The following COQ10B variants were observed in gnomAD, a reference collection of about 807,000 sequenced individuals.
COQ10B encodes coenzyme Q10B, also known as coenzyme Q-binding protein COQ10 homolog B, mitochondrial.
A neutral mutation model predicts 27.6 loss-of-function variants in COQ10B; 12 were observed. The ratio of observed to expected loss-of-function variants is 0.43; its 90% CI spans 0.28 to 0.70. The LOEUF (loss-of-function observed/expected upper bound fraction) is 0.70. Ranked by LOEUF, COQ10B falls within the 30% of genes least tolerant of loss-of-function variation. COQ10B has a pLI of 0.17. For synonymous variants in COQ10B, 115 were observed against 103.0 expected, an observed-to-expected ratio of 1.12 and a Z score of -0.71; for missense variants, 278 against 288.7, an observed-to-expected ratio of 0.96 and a Z score of 0.27.
intron 3 of COQ10B, among the ~76,000 whole-genome samples, chr2:197,468,611 A>T (rs1040074382): frequency 6.6e-6 from 1 of 152,204 alleles, no homozygotes; most frequent in Non-Finnish European, 1.5e-5. Context: ...ACAAGATTTT[A>T]TTATAGACTC....
At chr2:197,460,690 G>A (rs1203293172) in intron 2 of COQ10B, among the ~76,000 whole-genome samples, 11 of 152,164 alleles carry the variant, frequency 7.2e-5, no homozygotes. Flanking sequence ...GATATACATA[G>A]ATAAGTACAT....
intron 2 of COQ10B, among the ~76,000 whole-genome samples, chr2:197,462,156 C>T (rs2085767581): frequency 6.6e-6 from 1 of 151,480 alleles, no homozygotes; most frequent in Non-Finnish European, 1.5e-5. Context: ...GGAGTCCCAG[C>T]TACTCGGGAG....
intron 3 of COQ10B, among the ~76,000 whole-genome samples, chr2:197,463,522 G>C (rs2085783941): frequency 6.6e-6 from 1 of 150,604 alleles, no homozygotes; most frequent in South Asian, 2.1e-4. Flanking sequence ...AGGCAGCTGA[G>C]ATGGGAACCC....
intron 3 of COQ10B, among the ~76,000 whole-genome samples, chr2:197,463,599 C>T (rs554847518): frequency 6.8e-6 from 1 of 147,716 alleles, no homozygotes; most frequent in South Asian, 2.2e-4. Flanking sequence ...CAGAGTGAGA[C>T]AGTGTCTCAA....
At chr2:197,460,698 C>T (rs1237667947) in intron 2 of COQ10B, among the ~76,000 whole-genome samples, 3 of 152,170 alleles carry the variant, frequency 2.0e-5, no homozygotes, top group Non-Finnish European at 2.9e-5. Flanking sequence ...TAGATAAGTA[C>T]ATACATACTA....
intron 1 of COQ10B, among the ~76,000 whole-genome samples, chr2:197,458,869 A>G (rs1045378171): frequency 1.3e-5 from 2 of 151,994 alleles, no homozygotes; most frequent in Non-Finnish European, 2.9e-5. Context: ...TTTAGTAGAG[A>G]TGGGGTTTCA....
At chr2:197,463,721 T>G (rs1473584170) in intron 3 of COQ10B, among the ~76,000 whole-genome samples, 4 of 150,288 alleles carry the variant, frequency 2.7e-5, no homozygotes, top group Non-Finnish European at 5.9e-5. Flanking sequence ...TCACCCGAGG[T>G]CAGGAGCTTG....
intron 1 of COQ10B, among the ~76,000 whole-genome samples, chr2:197,454,832 T>G (rs1350277477): frequency 1.3e-5 from 2 of 152,232 alleles, no homozygotes; most frequent in African/African-American, 4.8e-5. Flanking sequence ...GATTCTGACC[T>G]TTATTATACT....
intron 1 of COQ10B, among the ~76,000 whole-genome samples, chr2:197,456,341 T>A (rs1172235336): frequency 6.6e-6 from 1 of 151,270 alleles, no homozygotes; most frequent in East Asian, 1.9e-4. Flanking sequence ...GGCGGGCGCC[T>A]GTAGTGCCAG....
rs2085931903 is a variant in COQ10B at position 197,474,754 on chromosome 2, T to C, written c.*830T>C. On this transcript the variant is annotated 3_prime_UTR_variant, in exon 5 of 5. Transcript: ENST00000263960. Reference sequence around the variant, plus strand: ...TTTGATATTTTAAAAATTGTTCTTATGACTAGTAGATAAATTCATTGCCAT... The same window carrying C: ...TTTGATATTTTAAAAATTGTTCTTACGACTAGTAGATAAATTCATTGCCAT... 6.6e-6 allele frequency: 1 copy of C among 151,884 alleles called. No homozygotes were observed. The highest frequency in any genetic ancestry group is 1.5e-5 in the Non-Finnish European group (1 of 67,964). The allele number at this position is 151,884 out of a possible 1,614,324, so 9.4% of individuals were successfully genotyped here.
chr2:197,464,417 T>C (rs1033825364), intron 3 of COQ10B, among the ~76,000 whole-genome samples: 1 of 152,104 alleles, frequency 6.6e-6, no homozygotes, highest in Admixed American at 6.6e-5. Flanking sequence ...GGGGTGCAGC[T>C]CTCAGATGTG....
chr2:197,465,123 G>C (rs987432047), intron 3 of COQ10B, among the ~76,000 whole-genome samples: 4 of 151,982 alleles, frequency 2.6e-5, no homozygotes, highest in Non-Finnish European at 5.9e-5. Context: ...CTGACCTCAT[G>C]GTCTGCCTGC....
intron 3 of COQ10B, among the ~76,000 whole-genome samples, chr2:197,466,040 C>T (rs952021828): frequency 1.6e-4 from 25 of 152,044 alleles, no homozygotes; most frequent in African/African-American, 6.0e-4. Flanking sequence ...TGCAGTGAGC[C>T]GAGATCGCGC....
In COQ10B at chr2:197,458,158, C is replaced by T. The variant is rs138594609; in HGVS notation, c.105-1774C>T. Among the ~76,000 whole-genome samples, 37 of 151,128 alleles carry T rather than the reference C, an allele frequency of 2.4e-4. No homozygotes were observed. In the East Asian group the frequency reaches 7.0e-3, roughly 29 times the overall value. On this transcript the variant is annotated intron_variant, in intron 1 of 4. Transcript: ENST00000263960. ...TTTTGAGACGGAGAATCACTGTCGCCCAGGCTGGAGTGCAGTGGTGCGATC... is the reference window on the plus strand; with the variant it reads ...TTTTGAGACGGAGAATCACTGTCGCTCAGGCTGGAGTGCAGTGGTGCGATC...
intron 3 of COQ10B, among the ~76,000 whole-genome samples, chr2:197,469,289 C>CG (rs34390933): frequency 6.6e-6 from 1 of 152,226 alleles, no homozygotes; most frequent in Non-Finnish European, 1.5e-5. Flanking sequence ...ACTGCAGCCT[C>CG]GAACTCCTGG....
chr2:197,472,772 G>A (rs1363341168), intron 4 of COQ10B, among the ~76,000 whole-genome samples: 1 of 134,628 alleles, frequency 7.4e-6, no homozygotes, highest in Non-Finnish European at 1.5e-5. Flanking sequence ...GCCATTTCCA[G>A]CCTGGGCGAC....
chr2:197,462,661 A>T lies in COQ10B; in HGVS notation c.377A>T (p.Glu126Val). 6.2e-7 allele frequency: 1 copy of T among 1,604,928 alleles called. No homozygotes were observed. Among genetic ancestry groups the T allele is most frequent in the Middle Eastern group, 1.8e-4 (1 of 5,668 alleles). Reference protein sequence around the residue: ...KRSGYCKTRLEIGFPPVLERY... With the variant: ...KRSGYCKTRLVIGFPPVLERY... ...TCTGGATATTGTAAAACAAGATTAGAAATTGGATTTCCACCTGTGTTGGAG... is the reference window on the plus strand; with the variant it reads ...TCTGGATATTGTAAAACAAGATTAGTAATTGGATTTCCACCTGTGTTGGAG... Residue 126 changes from glutamate to valine, a missense_variant, in exon 3 of 5, where the codon GAA (glutamate) becomes GTA (valine). Physicochemically the swap from Glu to Val is moderately radical, Grantham distance 121. This residue lies in a region of COQ10B where 183 missense variants were observed against 158.2 expected (regional missense o/e 1.16). Coordinates refer to ENST00000263960, the MANE Select transcript of COQ10B (RefSeq NM_025147.5).
rs1214803243 is a variant in COQ10B at position 197,460,059 on chromosome 2, T to C, written c.232T>C (p.Tyr78His). 1 of 1,607,648 alleles carries C rather than the reference T, an allele frequency of 6.2e-7. No individual in the cohort carries two copies. The highest frequency in any genetic ancestry group is 1.7e-5 in the Admixed American group (1 of 58,932). ...ACCATTAATAAACAAAAGGAAAGAA[T>C]ATTCAGAGAGAAGAATTTTAGGGTT... ...TAPLINKRKEYSERRILGYSM... is the reference protein window; with the variant it reads ...TAPLINKRKEHSERRILGYSM... Residue 78 changes from tyrosine to histidine, a missense_variant, in exon 2 of 5, where the codon TAT becomes CAT. Physicochemically the swap from Tyr to His is moderately conservative, Grantham distance 83. Around this residue, in one of 3 missense-constraint regions of COQ10B, gnomAD observed 183 missense variants for 158.2 expected, o/e 1.16. Transcript: ENST00000263960.
intron 2 of COQ10B, 55 bp from the exon 3 acceptor site, chr2:197,462,484 T>C (rs1467700671): frequency 4.6e-6 from 4 of 863,452 alleles, no homozygotes; most frequent in Non-Finnish European, 7.3e-6. Flanking sequence ...AAAGTATGCA[T>C]ATATTATATA....
Sources: allele counts gnomAD v4.1 joint callset (sites outside exome capture counted in the v4.1 genomes callset), GRCh38; gene constraint gnomAD v4.1.1; regional missense constraint gnomAD v4.1.1; transcripts MANE v1.5; gene names NCBI Gene and HGNC (gene_info 2026-07-23, HGNC 2026-07-21).